The following PTPRS variants were observed in gnomAD, a reference collection of about 807,000 sequenced individuals.
PTPRS encodes the protein receptor-type tyrosine-protein phosphatase S.
PTPRS carries 63 observed loss-of-function variants against 215.3 expected under a neutral mutation model. The observed-to-expected ratio is 0.29, with a 90% confidence interval of 0.24 to 0.36. The LOEUF is 0.36. Among genes scored for constraint, PTPRS ranks in the 10% least tolerant of loss-of-function variants. PTPRS has a pLI of 1.00. For missense variants in PTPRS, 2,258 were observed against 2,825.8 expected, an observed-to-expected ratio of 0.80 and a Z score of 4.56; for synonymous variants, 1,404 against 1,191.4, an observed-to-expected ratio of 1.18 and a Z score of -3.68.
In PTPRS at chr19:5,339,651, C is replaced by G. The variant is rs1015323780; in HGVS notation, c.-95+1013G>C. Reference sequence around the variant, plus strand: ...TGGCCGCAACCTGGCCGAACCCTCGCACCCACGGCGCGGGCACTCTAACCT... The same window carrying G: ...TGGCCGCAACCTGGCCGAACCCTCGGACCCACGGCGCGGGCACTCTAACCT... On this transcript the variant is annotated intron_variant, in intron 1 of 37. Transcript: ENST00000262963. The surrounding 1 kb of genome is among the most constrained non-coding windows in gnomAD (Gnocchi z 4.2). 2.6e-5 allele frequency among the ~76,000 whole-genome samples: 4 copies of G among 152,016 alleles called. No homozygotes were observed. Among genetic ancestry groups the G allele is most frequent in the Non-Finnish European group, 5.9e-5 (4 of 67,946 alleles).
intron 1 of PTPRS, among the ~76,000 whole-genome samples, chr19:5,326,620 G>A (rs1226770996): frequency 6.6e-6 from 1 of 151,790 alleles, no homozygotes; most frequent in Non-Finnish European, 1.5e-5. Flanking sequence ...CAGGAGCTTG[G>A]GGCTGCAGTG....
intron 1 of PTPRS, among the ~76,000 whole-genome samples, chr19:5,328,580 G>A (rs1419650572): frequency 1.3e-5 from 2 of 152,202 alleles, no homozygotes; most frequent in Non-Finnish European, 2.9e-5. Context: ...CATCAGCTCA[G>A]AGAGGGTGAG....
chr19:5,327,199 A>G (rs1166590519), intron 1 of PTPRS, among the ~76,000 whole-genome samples: 1 of 151,672 alleles, frequency 6.6e-6, no homozygotes, highest in Non-Finnish European at 1.5e-5. Context: ...GCAACTCAAT[A>G]CCCCGGACAC....
chr19:5,251,707 G>A (rs1279626509), intron 9 of PTPRS, among the ~76,000 whole-genome samples: 3 of 151,978 alleles, frequency 2.0e-5, no homozygotes, highest in Non-Finnish European at 4.4e-5. Flanking sequence ...CCTCCTCGCC[G>A]CCCACCCTGG....
intron 7 of PTPRS, among the ~76,000 whole-genome samples, chr19:5,259,129 A>G (rs1224141976): frequency 6.6e-6 from 1 of 152,244 alleles, no homozygotes; most frequent in Non-Finnish European, 1.5e-5. Flanking sequence ...AGCCTGGATC[A>G]AAGAATTTGT....
At chr19:5,261,733 G>C (rs965778958) in intron 6 of PTPRS, among the ~76,000 whole-genome samples, 2 of 152,224 alleles carry the variant, frequency 1.3e-5, no homozygotes, top group African/African-American at 2.4e-5. Context: ...CCCATCATGA[G>C]GCAGGGGTGG....
Position 5,244,947 on chromosome 19 carries a change from T to C in PTPRS, c.989-465A>G, listed in dbSNP as rs10407521. Among the ~76,000 whole-genome samples, 22,630 of 147,734 alleles carry C rather than the reference T, an allele frequency of 0.15. 3,135 individuals are homozygous for C. The highest frequency in any genetic ancestry group is 0.38 in the African/African-American group (15,215 of 40,228). On this transcript the variant is annotated intron_variant, in intron 10 of 37. Transcript: ENST00000262963. The surrounding 1 kb of genome is among the most constrained non-coding windows in gnomAD (Gnocchi z 7.2). ...CCTCCCGAAGTGCTGGGATTACAGG[T>C]GTGAGCCACCGCACCCGGCCTTTTT...
chr19:5,216,636 GAC>G (rs2041486610), intron 26 of PTPRS, 82 bp downstream of exon 26: 1 of 1,176,746 alleles, frequency 8.5e-7, no homozygotes, highest in South Asian at 1.3e-5. Flanking sequence ...TGTGGACAGA[GAC>G]AGGAGACACG....
chr19:5,280,527 T>A (rs2047757158), intron 2 of PTPRS, among the ~76,000 whole-genome samples: 1 of 151,994 alleles, frequency 6.6e-6, no homozygotes, highest in Admixed American at 6.6e-5. Context: ...AGGACCAGCC[T>A]GGCCAACATG....
intron 1 of PTPRS, among the ~76,000 whole-genome samples, chr19:5,324,828 C>A (rs1040408134): frequency 6.6e-6 from 1 of 152,154 alleles, no homozygotes; most frequent in African/African-American, 2.4e-5. Flanking sequence ...CATGCTTGGT[C>A]GTTCACCATC....
At chr19:5,310,379 G>A (rs1318583410) in intron 1 of PTPRS, among the ~76,000 whole-genome samples, 1 of 147,484 alleles carries the variant, frequency 6.8e-6, no homozygotes, top group Non-Finnish European at 1.5e-5. Flanking sequence ...CTGCAGTGGC[G>A]CAATCTCGGC....
intron 14 of PTPRS, 81 bp downstream of exon 14, chr19:5,231,229 C>G: frequency 7.0e-7 from 1 of 1,425,902 alleles, no homozygotes; most frequent in Non-Finnish European, 9.4e-7. Flanking sequence ...GACCACCAGC[C>G]CAGGTTTCCA....
chr19:5,225,553 C>G (rs1042662118), intron 17 of PTPRS, among the ~76,000 whole-genome samples, 174 bp downstream of exon 17: 62 of 150,492 alleles, frequency 4.1e-4, no homozygotes, highest in Non-Finnish European at 6.8e-4. Flanking sequence ...GCGGGGGGGG[C>G]CAAGCTGGGC....
rs1446747206 is a variant in PTPRS, at chr19:5,206,486, A to G, written c.*288T>C. 2 of 370,224 alleles carry G rather than the reference A, an allele frequency of 5.4e-6. No individual in the cohort carries two copies. Among genetic ancestry groups the G allele is most frequent in the Non-Finnish European group, 5.1e-6 (1 of 194,676 alleles). 22.9% of individuals were successfully genotyped at this position (370,224 alleles called of 1,614,324 possible). On this transcript the variant is annotated 3_prime_UTR_variant, in exon 38 of 38. Transcript: ENST00000262963. ...TTCTGGGGAGCACTCCTATTTGCTC[A>G]CCATCCCCCCACCCCCCACCCCGGA...
intron 37 of PTPRS, 76 bp from the exon 38 acceptor site, chr19:5,206,918 C>T: frequency 7.4e-7 from 1 of 1,358,874 alleles, no homozygotes; most frequent in Non-Finnish European, 1.1e-6. Context: ...CCCTCAGGAG[C>T]AGGCCAAGCT....
intron 1 of PTPRS, among the ~76,000 whole-genome samples, chr19:5,319,986 T>C (rs2049981539): frequency 6.6e-6 from 1 of 152,120 alleles, no homozygotes; most frequent in South Asian, 2.1e-4. Context: ...GCCATCCCCT[T>C]TATTGCTTCA....
At chr19:5,264,182 C>A (rs2046236153) in intron 5 of PTPRS, among the ~76,000 whole-genome samples, 1 of 152,228 alleles carries the variant, frequency 6.6e-6, no homozygotes. Flanking sequence ...ACTGCTCAGC[C>A]TTGGAGAGAC....
chr19:5,324,812 A>T (rs1389874207), intron 1 of PTPRS, among the ~76,000 whole-genome samples: 3 of 152,032 alleles, frequency 2.0e-5, no homozygotes, highest in Non-Finnish European at 4.4e-5. Flanking sequence ...CCGTGTCAGC[A>T]CCCATCATGC....
rs1425535760 is a variant in PTPRS, at chr19:5,206,739, G to A, written c.*35C>T. 1 of 1,598,872 alleles carries A rather than the reference G, an allele frequency of 6.3e-7. No homozygotes were observed. The highest frequency in any genetic ancestry group is 1.3e-5 in the African/African-American group (1 of 74,540). On this transcript the variant is annotated 3_prime_UTR_variant, in exon 38 of 38. Transcript: ENST00000262963. ...GCCCGGGAGGGGCAGAGGCATCCGGGGCCAGTGGTGTCGGGCCTGGGGGGA... is the reference window on the plus strand; with the variant it reads ...GCCCGGGAGGGGCAGAGGCATCCGGAGCCAGTGGTGTCGGGCCTGGGGGGA...
Sources: gnomAD v4.1 joint callset for allele counts (sites outside exome capture counted in the v4.1 genomes callset) on GRCh38, gnomAD v4.1.1 for gene constraint, Gnocchi (gnomAD v3.1) non-coding constraint, MANE v1.5 for transcripts, NCBI Gene and HGNC (gene_info 2026-07-23, HGNC 2026-07-21) for gene names.